AGR3: variants seen among roughly 807,000 people sequenced by gnomAD.
AGR3 encodes anterior gradient protein 3.
A neutral mutation model predicts 24.5 loss-of-function variants in AGR3; 37 were observed. The ratio of observed to expected loss-of-function variants is 1.51; its 90% CI spans 1.16 to 1.99. The LOEUF is 1.99. Ranked by LOEUF, AGR3 falls within the 30% of genes most tolerant of loss-of-function variation. The pLI is 0.00. For missense variants in AGR3, 228 were observed against 191.1 expected (o/e 1.19, Z -1.14); for synonymous variants, 75 against 61.6 (o/e 1.22, Z -1.02).
intron 1 of AGR3, among the ~76,000 whole-genome samples, chr7:16,880,537 C>CTCCTT (rs757027442): frequency 0.019 from 1,321 of 69,926 alleles, 18 homozygotes; most frequent in Non-Finnish European, 0.023. Context: ...CTCCCCTCCC[C>CTCCTT]TCCCCTCCTC....
At chr7:16,881,793 A>C (rs1782122687) in intron 1 of AGR3, among the ~76,000 whole-genome samples, 151 bp downstream of exon 1, 1 of 152,236 alleles carries the variant, frequency 6.6e-6, no homozygotes, top group Non-Finnish European at 1.5e-5. Flanking sequence ...CCAGCAAAGG[A>C]AATCCAGTTC....
chr7:16,862,064 TA>T lies in AGR3; in HGVS notation c.227-5del. ...TGGGCAAATACTTTCTTTAGTGCTA[TA>T]GGGGAAAACAAAATTGCCAGTTAGT... is the stretch of plus-strand genomic sequence containing the variant. On this transcript the variant is annotated splice_region_variant and splice_polypyrimidine_tract_variant and intron_variant, in intron 4 of 7. Transcript: ENST00000310398. 1 of 1,609,632 alleles carries T rather than the reference TA, an allele frequency of 6.2e-7. No homozygotes were observed. The highest frequency in any genetic ancestry group is 8.5e-7 in the Non-Finnish European group (1 of 1,177,468).
intron 3 of AGR3, chr7:16,873,421 C>G (rs1417216880): frequency 5.7e-6 from 1 of 174,600 alleles, no homozygotes; most frequent in Admixed American, 5.7e-5. Flanking sequence ...GAGTAGAACT[C>G]TGGTTATTAG....
intron 3 of AGR3, chr7:16,864,411 T>C: frequency 7.8e-7 from 1 of 1,278,696 alleles, no homozygotes; most frequent in Non-Finnish European, 1.1e-6. Context: ...CTGTGTCCTG[T>C]GCGGGTTCAC....
At chr7:16,863,255 G>A (rs1172070382) in intron 3 of AGR3, among the ~76,000 whole-genome samples, 2 of 152,156 alleles carry the variant, frequency 1.3e-5, no homozygotes, top group Non-Finnish European at 2.9e-5. Context: ...TATGAACAAT[G>A]TATTCATTTC....
At chr7:16,860,651 C>A in intron 6 of AGR3, 68 bp from the exon 7 acceptor site, 3 of 1,105,566 alleles carry the variant, frequency 2.7e-6, no homozygotes. Flanking sequence ...CTTGTAAAAA[C>A]TTAATTATTA....
chr7:16,855,889 A>G (rs1182132294), downstream of AGR3, among the ~76,000 whole-genome samples: 5 of 152,330 alleles, frequency 3.3e-5, no homozygotes, highest in Admixed American at 2.0e-4. Context: ...AAAACTTTGT[A>G]TACTTATGTA....
intron 4 of AGR3, 25 bp from the exon 5 acceptor site, chr7:16,862,085 G>A (rs1468386989): frequency 6.4e-7 from 1 of 1,567,398 alleles, no homozygotes; most frequent in Admixed American, 1.7e-5. Flanking sequence ...AAAATTGCCA[G>A]TTAGTTTTAA....
downstream of AGR3, among the ~76,000 whole-genome samples, chr7:16,856,798 C>T (rs1285771124): frequency 6.6e-6 from 1 of 151,230 alleles, no homozygotes; most frequent in Non-Finnish European, 1.5e-5. Context: ...TAAAATTATA[C>T]ACATACACAC....
downstream of AGR3, among the ~76,000 whole-genome samples, chr7:16,857,511 A>G (rs978952899): frequency 1.3e-5 from 2 of 152,172 alleles, no homozygotes; most frequent in African/African-American, 2.4e-5. Flanking sequence ...CCTCTGAACT[A>G]TTTATGCAAC....
At chr7:16,857,801 C>A (rs986333508), downstream of AGR3, among the ~76,000 whole-genome samples, 4 of 152,102 alleles carry the variant, frequency 2.6e-5, no homozygotes, top group African/African-American at 9.6e-5. Flanking sequence ...GAATAGTGAT[C>A]AAATAAGACC....
chr7:16,879,887 C>T (rs757163035), intron 1 of AGR3, among the ~76,000 whole-genome samples: 1 of 152,200 alleles, frequency 6.6e-6, no homozygotes, highest in African/African-American at 2.4e-5. Flanking sequence ...AAGAAGTTTA[C>T]AGATTCTAGA....
chr7:16,863,460 C>A (rs1251664824), intron 3 of AGR3, among the ~76,000 whole-genome samples: 1 of 152,008 alleles, frequency 6.6e-6, no homozygotes, highest in African/African-American at 2.4e-5. Context: ...TTGATTTTAA[C>A]CATAAAAAGT....
At chr7:16,857,162 A>G (rs1781564917), downstream of AGR3, among the ~76,000 whole-genome samples, 1 of 152,052 alleles carries the variant, frequency 6.6e-6, no homozygotes, top group Admixed American at 6.6e-5. Context: ...AGTTTGTTAA[A>G]GTGGGTAGAG....
chr7:16,871,348 A>G (rs1470677250), intron 3 of AGR3, among the ~76,000 whole-genome samples: 3 of 152,236 alleles, frequency 2.0e-5, no homozygotes, highest in Admixed American at 6.5e-5. Context: ...CCTTTGGCAT[A>G]CAATAGCAGA....
chr7:16,879,325 T>C (rs1782057778), intron 1 of AGR3, among the ~76,000 whole-genome samples: 1 of 152,214 alleles, frequency 6.6e-6, no homozygotes, highest in South Asian at 2.1e-4. Flanking sequence ...GATTACATTC[T>C]CTCCTGGTTA....
intron 3 of AGR3, among the ~76,000 whole-genome samples, chr7:16,864,016 C>T (rs1303442373): frequency 6.6e-6 from 1 of 152,130 alleles, no homozygotes; most frequent in Non-Finnish European, 1.5e-5. Context: ...ACACACTGAC[C>T]TCTCCTTAAA....
chr7:16,861,925 AC>A, intron 5 of AGR3, 58 bp downstream of exon 5: 1 of 1,448,262 alleles, frequency 6.9e-7, no homozygotes. Context: ...AAAGAAAAAA[AC>A]GGATTCAAAA....
intron 2 of AGR3, among the ~76,000 whole-genome samples, chr7:16,877,304 A>G (rs28668894): frequency 1.6e-5 from 2 of 128,204 alleles, no homozygotes; most frequent in South Asian, 2.5e-4. Context: ...AATATATAGT[A>G]TATATAATAT....
Sources: gnomAD v4.1 joint callset for allele counts (sites outside exome capture counted in the v4.1 genomes callset) on GRCh38, gnomAD v4.1.1 for gene constraint, MANE v1.5 for transcripts, NCBI Gene and HGNC (gene_info 2026-07-23, HGNC 2026-07-21) for gene names.